The following ARHGAP40 variants were observed in gnomAD, a reference collection of about 807,000 sequenced individuals.
ARHGAP40 encodes Rho GTPase activating protein 40, also known as rho GTPase-activating protein 40.
A neutral mutation model predicts 73.5 loss-of-function variants in ARHGAP40; 43 were observed. The ratio of observed to expected loss-of-function variants is 0.58; its 90% CI spans 0.46 to 0.75. The LOEUF is 0.75. Ranked by LOEUF, ARHGAP40 falls within the 30% of genes least tolerant of loss-of-function variation. The pLI is 0.00. For missense variants in ARHGAP40, 734 were observed against 861.8 expected (o/e 0.85, Z 1.86); for synonymous variants, 300 against 352.8 (o/e 0.85, Z 1.68).
intron 6 of ARHGAP40, among the ~76,000 whole-genome samples, chr20:38,636,296 C>G (rs1173850508): frequency 2.7e-5 from 4 of 150,314 alleles, no homozygotes; most frequent in African/African-American, 9.8e-5. Context: ...AAGTCTCTCT[C>G]TCTTGCCCAG....
intron 1 of ARHGAP40, among the ~76,000 whole-genome samples, chr20:38,605,852 T>C (rs2088767995): frequency 6.6e-6 from 1 of 152,220 alleles, no homozygotes; most frequent in Non-Finnish European, 1.5e-5. Context: ...ATCTTTATAA[T>C]ATCTTTTCCT....
intron 7 of ARHGAP40, among the ~76,000 whole-genome samples, chr20:38,638,305 ACT>A (rs1162851036): frequency 2.6e-5 from 4 of 151,394 alleles, no homozygotes; most frequent in African/African-American, 9.7e-5. Flanking sequence ...ACAGAGAGAG[ACT>A]CTCTCAAAAA....
intron 1 of ARHGAP40, among the ~76,000 whole-genome samples, chr20:38,619,964 T>TG (rs1352429106): frequency 1.3e-5 from 2 of 151,972 alleles, no homozygotes; most frequent in African/African-American, 2.4e-5. Flanking sequence ...TCTAGCTACT[T>TG]GGGGGGCTGA....
At chr20:38,643,324 C>T (rs1398115445) in intron 10 of ARHGAP40, among the ~76,000 whole-genome samples, 1 of 152,192 alleles carries the variant, frequency 6.6e-6, no homozygotes, top group Non-Finnish European at 1.5e-5. Flanking sequence ...CTCTGCTTCT[C>T]TATTCCTTCC....
At chr20:38,603,424 T>C (rs575489348) in intron 1 of ARHGAP40, among the ~76,000 whole-genome samples, 1 of 122,038 alleles carries the variant, frequency 8.2e-6, no homozygotes, top group Non-Finnish European at 1.8e-5. Flanking sequence ...TATCTATCTA[T>C]CTATCTATCT....
rs1201996723 is a variant in ARHGAP40, at chr20:38,601,899, G to A, written c.-44G>A. 16 of 1,286,674 alleles carry A rather than the reference G, an allele frequency of 1.2e-5. No individual in the cohort carries two copies. The Admixed American group carries it at 2.3e-4, about 19-fold the overall frequency. The allele number at this position is 1,286,674 out of a possible 1,614,324, so 79.7% of individuals were successfully genotyped here. On this transcript the variant is annotated 5_prime_UTR_variant, in exon 1 of 15. Transcript: ENST00000373345. ...ACATTGCCGATCGAGTCAGCCCCAC[G>A]GCGGCAGCACCACGACCGACCGGGA...
Position 38,637,784 on chromosome 20 carries a change from G to A in ARHGAP40, c.1026G>A (p.Pro342=), listed in dbSNP as rs41282834. ...AAGTCCTCCCCAGCACACAGGTCCC[G>A]CTGGTCCTTCAAGCCGTAAGTCGCC... Residue 342 remains proline (P), a synonymous_variant, in exon 7 of 15, where the codon CCG becomes CCA. Coordinates refer to ENST00000373345, the Ensembl canonical transcript of ARHGAP40. 2,060 of 1,305,102 alleles carry A rather than the reference G, an allele frequency of 1.6e-3. 1 individual carries two copies. Among genetic ancestry groups the A allele is most frequent in the Non-Finnish European group, 1.9e-3 (1,893 of 988,906 alleles). 80.8% of individuals were successfully genotyped at this position (1,305,102 alleles called of 1,614,324 possible).
At chr20:38,615,239 C>G in intron 1 of ARHGAP40, 1 of 772,362 alleles carries the variant, frequency 1.3e-6, no homozygotes, top group Non-Finnish European at 2.4e-6. Flanking sequence ...TTCTTCCTTT[C>G]ATTCATGATC....
At chr20:38,603,469 T>TCC in intron 1 of ARHGAP40, among the ~76,000 whole-genome samples, 1 of 135,214 alleles carries the variant, frequency 7.4e-6, no homozygotes, top group Non-Finnish European at 1.7e-5. Context: ...ATCTATTCTA[T>TCC]ATCTAATCTA....
rs572639487 is a variant in ARHGAP40, at chr20:38,624,697, C to T, written c.337+1139C>T. Among the ~76,000 whole-genome samples the T allele has an allele frequency of 2.6e-5, 4 of 152,332 alleles. 1 individual carries two copies. The highest frequency in any genetic ancestry group is 3.9e-4 in the East Asian group (2 of 5,174). Reference sequence around the variant, plus strand: ...CAAATGCTCTTGCCCCAGGCATCTGCATGGCTTGTTCTCTCCAGTCAGGAC... The same window carrying T: ...CAAATGCTCTTGCCCCAGGCATCTGTATGGCTTGTTCTCTCCAGTCAGGAC... On this transcript the variant is annotated intron_variant, in intron 2 of 14. Coordinates refer to ENST00000373345, the Ensembl canonical transcript of ARHGAP40.
chr20:38,606,091 A>G (rs572340916), intron 1 of ARHGAP40, among the ~76,000 whole-genome samples: 1 of 151,978 alleles, frequency 6.6e-6, no homozygotes, highest in Non-Finnish European at 1.5e-5. Flanking sequence ...AAACTCCTGG[A>G]CTCAAGCAAT....
At chr20:38,636,027 C>T (rs1005344329) in intron 6 of ARHGAP40, among the ~76,000 whole-genome samples, 1 of 152,066 alleles carries the variant, frequency 6.6e-6, no homozygotes, top group African/African-American at 2.4e-5. Flanking sequence ...GCTCAGAGGG[C>T]AAACTGTACC....
chr20:38,624,674 A>G (rs191188707), intron 2 of ARHGAP40, among the ~76,000 whole-genome samples: 35 of 152,120 alleles, frequency 2.3e-4, no homozygotes, highest in Admixed American at 3.3e-4. Context: ...CTTGGCCTCA[A>G]ATGCTCTTGC....
At chr20:38,630,261 C>T (rs1278684982) in intron 5 of ARHGAP40, among the ~76,000 whole-genome samples, 1 of 149,946 alleles carries the variant, frequency 6.7e-6, no homozygotes, top group African/African-American at 2.5e-5. Context: ...ACTCTGTCAC[C>T]CAGGCGGGAG....
intron 7 of ARHGAP40, 58 bp downstream of exon 7, chr20:38,637,857 G>T (rs1038253899): frequency 1.6e-6 from 2 of 1,244,008 alleles, no homozygotes; most frequent in South Asian, 2.6e-5. Flanking sequence ...TGGCTCAGGG[G>T]ACCATTGTCA....
At chr20:38,612,950 G>A (rs1040746086) in intron 1 of ARHGAP40, among the ~76,000 whole-genome samples, 7 of 152,236 alleles carry the variant, frequency 4.6e-5, no homozygotes, top group African/African-American at 1.7e-4. Flanking sequence ...AGCTTCTCTG[G>A]CAAGCACCAC....
At chr20:38,609,612 C>T (rs774762253) in intron 1 of ARHGAP40, among the ~76,000 whole-genome samples, 3 of 152,196 alleles carry the variant, frequency 2.0e-5, no homozygotes, top group Non-Finnish European at 2.9e-5. Flanking sequence ...ATGAGCCCAA[C>T]GCCTCTAGGA....
intron 1 of ARHGAP40, among the ~76,000 whole-genome samples, chr20:38,607,676 A>C (rs1184079158): frequency 6.6e-6 from 1 of 152,110 alleles, no homozygotes; most frequent in Non-Finnish European, 1.5e-5. Context: ...CCCTCCTGTC[A>C]GGCGTCACCG....
At chr20:38,637,645 A>G (rs1316572259) in intron 6 of ARHGAP40, 63 bp from the exon 7 acceptor site, 6 of 1,214,534 alleles carry the variant, frequency 4.9e-6, no homozygotes, top group Non-Finnish European at 5.5e-6. Flanking sequence ...GAGATCCTGT[A>G]GGTCGGAGCC....
Sources: gnomAD v4.1 joint callset for allele counts (sites outside exome capture counted in the v4.1 genomes callset) on GRCh38, gnomAD v4.1.1 for gene constraint, MANE v1.5 for transcripts, NCBI Gene and HGNC (gene_info 2026-07-23, HGNC 2026-07-21) for gene names.